The following RPP21 variants were observed in gnomAD, a reference collection of about 807,000 sequenced individuals.
RPP21 encodes the protein ribonuclease P subunit p21.
Under a neutral mutation model 19.0 loss-of-function variants are expected in RPP21, and 21 were observed. That is an observed-to-expected ratio of 1.11 (90% CI 0.78 to 1.59). The LOEUF (loss-of-function observed/expected upper bound fraction) is 1.59, where lower values mean the gene tolerates loss of function less well. RPP21 is among the 40% of genes most tolerant of loss of function. The pLI, the probability that RPP21 is intolerant of heterozygous loss-of-function variation, is 0.00. For missense variants in RPP21, 215 were observed against 200.2 expected (o/e 1.07, Z -0.45); for synonymous variants, 93 against 78.7 (o/e 1.18, Z -0.96).
At chr6:30,345,710 TC>T in intron 3 of RPP21, 137 bp downstream of exon 3, 1 of 1,060,582 alleles carries the variant, frequency 9.4e-7, no homozygotes, top group Non-Finnish European at 1.3e-6. Flanking sequence ...GCAGGAGTCT[TC>T]CTTCTTCGGG....
At position 30,346,229 on chromosome 6, in the gene RPP21, T is replaced by C. The variant is rs1200826774; in HGVS notation, c.242-203T>C. On this transcript the variant is annotated intron_variant, in intron 3 of 4. Coordinates refer to ENST00000442966, the MANE Select transcript of RPP21 (RefSeq NM_024839.4). The surrounding 1 kb of genome is among the most constrained non-coding windows in gnomAD (Gnocchi z 4.7). ...GGAAACAGGCCAGTTCTTGAAGTCT[T>C]GTTAGGGAGTTTGAACTTTATCTTA... 2 of 892,016 alleles carry C rather than the reference T, an allele frequency of 2.2e-6. No homozygotes were observed. The highest frequency in any genetic ancestry group is 3.2e-6 in the Non-Finnish European group (2 of 618,168). The allele number at this position is 892,016 out of a possible 1,614,324, so 55.3% of individuals were successfully genotyped here.
chr6:30,346,687 T>C lies in RPP21; in HGVS notation c.368-26T>C. ...ACCACAGTCAGAAAACTAATTCTGT[T>C]TCTCTGATTCTGCTCATTTACTCAG... On this transcript the variant is annotated intron_variant, in intron 4 of 4. Transcript: ENST00000442966. This position sits in a 1 kb window ranked among gnomAD's most constrained non-coding sequence, Gnocchi z 4.7. 6.2e-7 allele frequency: 1 copy of C among 1,613,876 alleles called. No individual in the cohort carries two copies. Among genetic ancestry groups the C allele is most frequent in the Non-Finnish European group, 8.5e-7 (1 of 1,180,010 alleles).
chr6:30,345,743 C>A, intron 3 of RPP21, 170 bp downstream of exon 3: 1 of 764,682 alleles, frequency 1.3e-6, no homozygotes, highest in Non-Finnish European at 2.0e-6. Context: ...TTCCTAACGC[C>A]ACTTGCACAA....
Position 30,345,470 on chromosome 6 carries a change from A to G in RPP21, c.159-21A>G, listed in dbSNP as rs765297256. ...CGAGAGGGAGCGCGGGCGCCAGACCACTATCCTCCTCCGCCCCCAGGGATC... is the reference window on the plus strand; with the variant it reads ...CGAGAGGGAGCGCGGGCGCCAGACCGCTATCCTCCTCCGCCCCCAGGGATC... On this transcript the variant is annotated intron_variant, in intron 2 of 4. Transcript: ENST00000442966. The G allele has an allele frequency of 7.8e-5, 125 of 1,610,622 alleles. No homozygotes were observed. In the East Asian group the frequency reaches 1.7e-3, roughly 22 times the overall value.
chr6:30,345,330 G>C lies in RPP21; in HGVS notation c.90G>C (p.Glu30Asp). Residue 30 changes from glutamate to aspartate, a missense_variant, in exon 2 of 5, where the codon GAG (glutamate) becomes GAC (aspartate). Transcript: ENST00000442966. ...AAHCVLAQDP[E>D]NQALARFYCY... The stretch of plus-strand genomic sequence containing the variant: ...ATTGTGTCCTTGCCCAGGACCCCGA[G>C]AACCAGGCGCTGGCGAGGTTTTACT... 6.2e-7 allele frequency: 1 copy of C among 1,613,682 alleles called. No homozygotes were observed.
chr6:30,345,373 A>G lies in RPP21; in HGVS notation c.133A>G (p.Ile45Val), dbSNP rs1441023566. The stretch of plus-strand genomic sequence containing the variant: ...GTTTTACTGCTACACTGAGAGGACC[A>G]TTGCGAAGCGGCTCGTCTTGCGGCG... Reference protein sequence around the residue: ...ARFYCYTERTIAKRLVLRRDP... With the variant: ...ARFYCYTERTVAKRLVLRRDP... Residue 45 changes from isoleucine (I) to valine (V), a missense_variant, in exon 2 of 5, where the codon ATT becomes GTT. Transcript: ENST00000442966. 1.2e-5 allele frequency: 19 copies of G among 1,612,836 alleles called. No homozygotes were observed. The highest frequency in any genetic ancestry group is 1.5e-5 in the Non-Finnish European group (18 of 1,179,842).
chr6:30,345,752 A>C, intron 3 of RPP21, 179 bp downstream of exon 3: 1 of 721,744 alleles, frequency 1.4e-6, no homozygotes, highest in Admixed American at 3.7e-5. Context: ...CCACTTGCAC[A>C]AACTAGGGTT....
Position 30,345,409 on chromosome 6 carries a change from C to T in RPP21, c.158+11C>T. 1 of 1,611,992 alleles carries T rather than the reference C, an allele frequency of 6.2e-7. No homozygotes were observed. On this transcript the variant is annotated intron_variant, in intron 2 of 4. Transcript: ENST00000442966. ...GCTCGTCTTGCGGCGGTGAGACAGC[C>T]ACGGGGCGGGCGGCGGGCGGGACGC...
Position 30,346,653 on chromosome 6 carries a change from G to C in RPP21, c.368-60G>C. On this transcript the variant is annotated intron_variant, in intron 4 of 4. Transcript: ENST00000442966. This position sits in a 1 kb window ranked among gnomAD's most constrained non-coding sequence, Gnocchi z 4.7. ...ACACATGGACAGGTTCTGGGTTGGTGTGAGAAGTACCACAGTCAGAAAACT... is the reference window on the plus strand; with the variant it reads ...ACACATGGACAGGTTCTGGGTTGGTCTGAGAAGTACCACAGTCAGAAAACT... 6.2e-7 allele frequency: 1 copy of C among 1,613,908 alleles called. No individual in the cohort carries two copies. Among genetic ancestry groups the C allele is most frequent in the South Asian group, 1.1e-5 (1 of 91,066 alleles).
rs764749230 is a variant in RPP21, at chr6:30,345,182, C to G, written c.11C>G (p.Pro4Arg). Residue 4 changes from proline (P) to arginine (R), a missense_variant, in exon 1 of 5, where the codon CCG becomes CGG. Transcript: ENST00000442966. Reference sequence around the variant, plus strand: ...TGGAGCGCGGCGGTGATGGCGGGGCCGGTGAAGGACCGCGAGGCCTTCCAG... The same window carrying G: ...TGGAGCGCGGCGGTGATGGCGGGGCGGGTGAAGGACCGCGAGGCCTTCCAG... MAG[P>R]VKDREAFQRL... The G allele has an allele frequency of 1.7e-5, 26 of 1,564,838 alleles. No homozygotes were observed. In the Admixed American group the frequency reaches 1.9e-4, roughly 11 times the overall value.
In RPP21 at chr6:30,345,363, T is replaced by TG; in HGVS notation, c.124dup (p.Glu42GlyfsTer63). On this transcript the variant is annotated frameshift_variant, in exon 2 of 5. Transcript: ENST00000442966. LOFTEE classifies it high-confidence loss of function. Reference sequence around the variant, plus strand: ...CGCTGGCGAGGTTTTACTGCTACACTGAGAGGACCATTGCGAAGCGGCTCG... The same window carrying TG: ...CGCTGGCGAGGTTTTACTGCTACACTGGAGAGGACCATTGCGAAGCGGCTCG... 6.2e-7 allele frequency: 1 copy of TG among 1,612,882 alleles called. No individual in the cohort carries two copies. The highest frequency in any genetic ancestry group is 8.5e-7 in the Non-Finnish European group (1 of 1,179,820).
rs376265310 is a variant in RPP21 at position 30,346,550 on chromosome 6, C to T, written c.360C>T (p.Ser120=). The change falls in exon 4 of 5, where the codon AGC becomes AGT. Residue 120 remains serine, a synonymous_variant. Transcript: ENST00000442966. This position sits in a 1 kb window ranked among gnomAD's most constrained non-coding sequence, Gnocchi z 4.7. ...WGDRPEAQLG[S]QADSKPLQPL... ...ACAGGCCTGAGGCCCAGCTCGGGAG[C>T]CAAGCAGGTGAGAGGTGAGGGAGAA... The T allele has an allele frequency of 6.2e-7, 1 of 1,613,962 alleles. No individual in the cohort carries two copies. Among genetic ancestry groups the T allele is most frequent in the African/African-American group, 1.3e-5 (1 of 74,924 alleles).
rs1452658915 is a variant in RPP21 at position 30,345,573 on chromosome 6, C to T, written c.241C>T (p.Arg81Cys). Residue 81 changes from arginine (R) to cysteine (C), a missense_variant and splice_region_variant, in exon 3 of 5, where the codon CGC becomes TGC. By Grantham distance (180) the Arg-to-Cys change is radical. Transcript: ENST00000442966. ...CCTCACCTGCACCCAGCGCCAGAGA[C>T]GTGAGTGCTCCAACGGAGGTGGAAG... is the stretch of plus-strand genomic sequence containing the variant. ...PGLTCTQRQR[R>C]CRGQRWTVQT... 1.5e-6 allele frequency: 2 copies of T among 1,364,174 alleles called. No individual in the cohort carries two copies. Among genetic ancestry groups the T allele is most frequent in the Admixed American group, 2.2e-5 (1 of 46,466 alleles). The allele number at this position is 1,364,174 out of a possible 1,614,324, so 84.5% of individuals were successfully genotyped here.
In RPP21 at chr6:30,346,169, T is replaced by C; in HGVS notation, c.242-263T>C. ...GAAATGAGAGTTCAGGAGGCTGGAGTTTGAGGTAGGAGGGCAAAACATGAG... is the reference window on the plus strand; with the variant it reads ...GAAATGAGAGTTCAGGAGGCTGGAGCTTGAGGTAGGAGGGCAAAACATGAG... On this transcript the variant is annotated intron_variant, in intron 3 of 4. Coordinates refer to ENST00000442966, the MANE Select transcript of RPP21 (RefSeq NM_024839.4). The surrounding 1 kb of genome is among the most constrained non-coding windows in gnomAD (Gnocchi z 4.7). The C allele has an allele frequency of 2.3e-6, 1 of 441,536 alleles. No homozygotes were observed. The highest frequency in any genetic ancestry group is 3.9e-6 in the Non-Finnish European group (1 of 256,992). 27.4% of individuals were successfully genotyped at this position (441,536 alleles called of 1,614,324 possible).
chr6:30,345,760 G>T, intron 3 of RPP21, 187 bp downstream of exon 3: 2 of 660,502 alleles, frequency 3.0e-6, no homozygotes, highest in African/African-American at 1.9e-5. Flanking sequence ...ACAAACTAGG[G>T]TTTGGGCTCG....
Position 30,345,499 on chromosome 6 carries a change from C to T in RPP21, c.167C>T (p.Ser56Leu). The T allele has an allele frequency of 1.2e-6, 2 of 1,606,318 alleles. No homozygotes were observed. The highest frequency in any genetic ancestry group is 1.7e-6 in the Non-Finnish European group (2 of 1,176,370). ...AKRLVLRRDP[S>L]VKRTLCRGCS... ...TCCTCCTCCGCCCCCAGGGATCCCT[C>T]GGTGAAGAGGACTCTCTGTCGAGGC... The change falls in exon 3 of 5, where the codon TCG becomes TTG. Residue 56 changes from serine to leucine, a missense_variant. Ser to Leu is a moderately radical substitution (Grantham distance 145). Transcript: ENST00000442966.
At position 30,346,647 on chromosome 6, in the gene RPP21, G is replaced by T; in HGVS notation, c.368-66G>T. 6.2e-7 allele frequency: 1 copy of T among 1,613,890 alleles called. No homozygotes were observed. Among genetic ancestry groups the T allele is most frequent in the Admixed American group, 1.7e-5 (1 of 60,024 alleles). ...AAGAGGACACATGGACAGGTTCTGG[G>T]TTGGTGTGAGAAGTACCACAGTCAG... On this transcript the variant is annotated intron_variant, in intron 4 of 4. Coordinates refer to ENST00000442966, the MANE Select transcript of RPP21 (RefSeq NM_024839.4). The surrounding 1 kb of genome is among the most constrained non-coding windows in gnomAD (Gnocchi z 4.7).
chr6:30,345,217 T>C lies in RPP21; in HGVS notation c.46T>C (p.Phe16Leu). The C allele has an allele frequency of 1.2e-6, 2 of 1,601,854 alleles. No homozygotes were observed. Among genetic ancestry groups the C allele is most frequent in the South Asian group, 2.2e-5 (2 of 89,900 alleles). ...CCGCGAGGCCTTCCAGAGGCTCAAC[T>C]TCCTGTACCAGGTGAGTCTGCGACA... ...KDREAFQRLN[F>L]LYQAAHCVLA... The change falls in exon 1 of 5, where the codon TTC becomes CTC. Residue 16 changes from phenylalanine to leucine, a missense_variant. Transcript: ENST00000442966.
At chr6:30,345,272 C>G (rs1787985616) in intron 1 of RPP21, 26 bp from the exon 2 acceptor site, 2 of 1,613,450 alleles carry the variant, frequency 1.2e-6, no homozygotes, top group Non-Finnish European at 1.7e-6. Context: ...GCTCGGCGTC[C>G]CAGAGTGACT....
Sources: allele counts gnomAD v4.1 joint callset, GRCh38; gene constraint gnomAD v4.1.1; non-coding constraint Gnocchi (gnomAD v3.1); transcripts MANE v1.5; gene names NCBI Gene and HGNC (gene_info 2026-07-23, HGNC 2026-07-21).